Variants in ASTN1 observed in about 807,000 individuals in gnomAD.
ASTN1 encodes the protein astrotactin-1.
A neutral mutation model predicts 140.7 loss-of-function variants in ASTN1; 41 were observed. The observed-to-expected ratio is 0.29, with a 90% CI of 0.23 to 0.38. The LOEUF is 0.38. ASTN1 is among the 10% of genes least tolerant of loss of function. The pLI, the probability that ASTN1 is intolerant of heterozygous loss-of-function variation, is 1.00. For synonymous variants in ASTN1, 640 were observed against 652.2 expected (o/e 0.98, Z 0.29); for missense variants, 1,479 against 1,678.8 (o/e 0.88, Z 2.08).
intron 1 of ASTN1, among the ~76,000 whole-genome samples, chr1:177,095,842 C>G (rs1181711836): frequency 1.3e-5 from 2 of 152,176 alleles, no homozygotes; most frequent in Non-Finnish European, 2.9e-5. Context: ...CAGTCTGGAA[C>G]AGCCCCAGGC....
chr1:176,933,684 G>T (rs1015002029), intron 16 of ASTN1, among the ~76,000 whole-genome samples: 1 of 152,136 alleles, frequency 6.6e-6, no homozygotes, highest in African/African-American at 2.4e-5. Flanking sequence ...CAAATCAGTC[G>T]GAAAAATGAG....
chr1:176,970,569 A>C (rs951150927), intron 8 of ASTN1, among the ~76,000 whole-genome samples: 1 of 151,406 alleles, frequency 6.6e-6, no homozygotes, highest in African/African-American at 2.4e-5. Context: ...GTAGGTAGGT[A>C]GGTAGGTAGG....
At chr1:176,950,185 T>G (rs2103117649) in intron 11 of ASTN1, among the ~76,000 whole-genome samples, 1 of 152,326 alleles carries the variant, frequency 6.6e-6, no homozygotes, top group East Asian at 1.9e-4. Context: ...ACCTATTATA[T>G]GCCAGGCCGT....
At chr1:177,046,883 G>A (rs575515351) in intron 2 of ASTN1, among the ~76,000 whole-genome samples, 4 of 152,264 alleles carry the variant, frequency 2.6e-5, no homozygotes, top group African/African-American at 7.2e-5. Context: ...GGGAAAGTGC[G>A]CTGACTGATC....
At chr1:177,138,425 G>A (rs947697509) in intron 1 of ASTN1, among the ~76,000 whole-genome samples, 13 of 152,322 alleles carry the variant, frequency 8.5e-5, no homozygotes, top group African/African-American at 1.4e-4. Context: ...GGATACTTCC[G>A]TTTTTGTGGT....
intron 1 of ASTN1, among the ~76,000 whole-genome samples, chr1:177,131,716 T>TA (rs1318014824): frequency 1.3e-5 from 2 of 152,118 alleles, no homozygotes; most frequent in Non-Finnish European, 2.9e-5. Context: ...TGAGAGCAGG[T>TA]AGTTTATAAA....
chr1:177,132,928 A>G (rs1195631085), intron 1 of ASTN1, among the ~76,000 whole-genome samples: 1 of 152,186 alleles, frequency 6.6e-6, no homozygotes, highest in South Asian at 2.1e-4. Flanking sequence ...AGATGTTCCA[A>G]TATTGGTGGT....
At chr1:177,046,416 G>A (rs971312975) in intron 2 of ASTN1, among the ~76,000 whole-genome samples, 15 of 152,158 alleles carry the variant, frequency 9.9e-5, no homozygotes, top group Admixed American at 3.9e-4. Flanking sequence ...ACCAGCCATC[G>A]TGACACTGTA....
chr1:177,154,056 A>T (rs957698850), intron 1 of ASTN1, among the ~76,000 whole-genome samples: 1 of 152,192 alleles, frequency 6.6e-6, no homozygotes, highest in Non-Finnish European at 1.5e-5. Flanking sequence ...CATAATCTTT[A>T]TAAACCAGCA....
intron 8 of ASTN1, among the ~76,000 whole-genome samples, chr1:177,009,339 T>A (rs987543743): frequency 1.3e-5 from 2 of 152,156 alleles, no homozygotes; most frequent in African/African-American, 4.8e-5. Context: ...TTTTTAGTGG[T>A]CTCTAAGGAA....
At chr1:177,128,533 T>C (rs1246349642) in intron 1 of ASTN1, among the ~76,000 whole-genome samples, 1 of 152,242 alleles carries the variant, frequency 6.6e-6, no homozygotes, top group African/African-American at 2.4e-5. Flanking sequence ...ACAGTACTAC[T>C]GCTATTTTTG....
rs369997999 is a variant in ASTN1 at position 177,052,090 on chromosome 1, T to C, written c.471+8988A>G. 3.4e-3 allele frequency among the ~76,000 whole-genome samples: 522 copies of C among 152,238 alleles called. 2 individuals are homozygous for C. The Middle Eastern group carries it at 0.041, about 12-fold the overall frequency. ...TGTAAACAATGAAACAGAAGTGACA[T>C]AACAATTCCCTGAATGGACATGACT... On this transcript the variant is annotated intron_variant, in intron 2 of 22. Coordinates refer to ENST00000361833, the MANE Select transcript of ASTN1 (RefSeq NM_004319.3).
Position 176,958,964 on chromosome 1 carries a change from A to T in ASTN1, c.1599-482T>A, listed in dbSNP as rs1425739284. 2.0e-5 allele frequency among the ~76,000 whole-genome samples: 3 copies of T among 152,212 alleles called. No homozygotes were observed. The South Asian group carries it at 6.2e-4, about 32-fold the overall frequency. ...TTTACAGCTTCTGTGTGATGGGAAC[A>T]GAAATGACTGAAGCCAAGAGCCTCC... On this transcript the variant is annotated intron_variant, in intron 9 of 22. Coordinates refer to ENST00000361833, the MANE Select transcript of ASTN1 (RefSeq NM_004319.3).
At chr1:176,939,259 C>A (rs1232188040) in intron 14 of ASTN1, among the ~76,000 whole-genome samples, 1 of 152,182 alleles carries the variant, frequency 6.6e-6, no homozygotes, top group Non-Finnish European at 1.5e-5. Context: ...TTAATTGGTG[C>A]TTTTGTTATA....
intron 16 of ASTN1, among the ~76,000 whole-genome samples, chr1:176,916,962 G>C (rs1261379280): frequency 1.3e-5 from 2 of 152,072 alleles, no homozygotes; most frequent in East Asian, 3.9e-4. Flanking sequence ...CATTAGCCAG[G>C]TGGACAGCAC....
chr1:177,078,176 A>G (rs1049736025), intron 1 of ASTN1, among the ~76,000 whole-genome samples: 1 of 152,166 alleles, frequency 6.6e-6, no homozygotes, highest in African/African-American at 2.4e-5. Flanking sequence ...GGAGATGGGC[A>G]CATTACTGCA....
intron 1 of ASTN1, among the ~76,000 whole-genome samples, chr1:177,158,610 C>A (rs1313112756): frequency 6.7e-6 from 1 of 150,244 alleles, no homozygotes; most frequent in Admixed American, 6.6e-5. Context: ...AAACTACTAG[C>A]CTTTTAAGTT....
At chr1:177,147,137 A>G (rs1188163234) in intron 1 of ASTN1, among the ~76,000 whole-genome samples, 1 of 152,160 alleles carries the variant, frequency 6.6e-6, no homozygotes, top group African/African-American at 2.4e-5. Flanking sequence ...AGTTTTTCCC[A>G]CTACTGTTTT....
At chr1:176,960,868 C>T (rs1672627443) in intron 9 of ASTN1, among the ~76,000 whole-genome samples, 1 of 152,064 alleles carries the variant, frequency 6.6e-6, no homozygotes, top group South Asian at 2.1e-4. Flanking sequence ...TAAGATCCTA[C>T]CCCTTCCAGA....
Sources: gnomAD v4.1 joint callset for allele counts (sites outside exome capture counted in the v4.1 genomes callset) on GRCh38, gnomAD v4.1.1 for gene constraint, MANE v1.5 for transcripts, NCBI Gene and HGNC (gene_info 2026-07-23, HGNC 2026-07-21) for gene names.